Variants in THSD7A observed in about 807,000 individuals in gnomAD.
THSD7A encodes thrombospondin type-1 domain-containing protein 7A.
A neutral mutation model predicts 231.3 loss-of-function variants in THSD7A; 96 were observed. The observed-to-expected ratio is 0.41, with a 90% CI of 0.35 to 0.49. THSD7A has a LOEUF of 0.49. Among genes scored for constraint, THSD7A ranks in the 20% least tolerant of loss-of-function variants. THSD7A has a pLI of 0.05. For missense variants in THSD7A, 2,290 were observed against 2,070.2 expected, an observed-to-expected ratio of 1.11 and a Z score of -2.06; for synonymous variants, 940 against 743.3, an observed-to-expected ratio of 1.26 and a Z score of -4.30.
chr7:11,544,340 GA>G (rs955199787), intron 4 of THSD7A, among the ~76,000 whole-genome samples: 67 of 145,416 alleles, frequency 4.6e-4, no homozygotes, highest in Middle Eastern at 7.0e-3. Context: ...GACACAGTCG[GA>G]AAAAAAAAAA....
At chr7:11,826,812 CAAAAAA>C (rs3037773) in intron 1 of THSD7A, among the ~76,000 whole-genome samples, 8 of 120,768 alleles carry the variant, frequency 6.6e-5, no homozygotes, top group Admixed American at 2.5e-4. Flanking sequence ...GCCTCTGTCT[CAAAAAA>C]AAAAAAAAAA....
chr7:11,727,588 G>T (rs1262625876), intron 1 of THSD7A, among the ~76,000 whole-genome samples: 1 of 151,772 alleles, frequency 6.6e-6, no homozygotes, highest in African/African-American at 2.4e-5. Context: ...ACCAACTTTG[G>T]ACAATGAGTA....
chr7:11,501,063 T>C (rs1488421684), intron 6 of THSD7A, among the ~76,000 whole-genome samples: 1 of 151,058 alleles, frequency 6.6e-6, no homozygotes, highest in African/African-American at 2.4e-5. Flanking sequence ...AGGTTTCAAT[T>C]CAATGAGAAG....
At chr7:11,495,820 T>C (rs1220110212) in intron 6 of THSD7A, among the ~76,000 whole-genome samples, 1 of 152,076 alleles carries the variant, frequency 6.6e-6, no homozygotes, top group Non-Finnish European at 1.5e-5. Context: ...GCTACTTTGC[T>C]TGAGTTTGGA....
intron 1 of THSD7A, among the ~76,000 whole-genome samples, chr7:11,720,569 T>A (rs1288868725): frequency 6.6e-6 from 1 of 151,746 alleles, no homozygotes; most frequent in African/African-American, 2.4e-5. Flanking sequence ...TGTGTTTCAG[T>A]TTTGCCCTAA....
intron 4 of THSD7A, among the ~76,000 whole-genome samples, chr7:11,546,036 T>G (rs1789367568): frequency 6.6e-6 from 1 of 152,006 alleles, no homozygotes; most frequent in Admixed American, 6.6e-5. Context: ...CCAATGAGGG[T>G]GCTTTCCAGC....
At chr7:11,604,267 C>T (rs1459846518) in intron 2 of THSD7A, among the ~76,000 whole-genome samples, 1 of 152,106 alleles carries the variant, frequency 6.6e-6, no homozygotes, top group African/African-American at 2.4e-5. Flanking sequence ...TTCCCAAGGT[C>T]TTGCTTACGA....
intron 22 of THSD7A, among the ~76,000 whole-genome samples, 166 bp from the exon 23 acceptor site, chr7:11,402,134 A>C (rs1201905136): frequency 6.6e-6 from 1 of 152,208 alleles, no homozygotes; most frequent in Non-Finnish European, 1.5e-5. Flanking sequence ...GTAATTGTAT[A>C]ACTTTGTATA....
chr7:11,433,629 A>T (rs556419570), intron 13 of THSD7A, among the ~76,000 whole-genome samples: 1 of 152,142 alleles, frequency 6.6e-6, no homozygotes, highest in South Asian at 2.1e-4. Context: ...TCCCACCTTG[A>T]TAAACTGCAA....
chr7:11,659,938 A>C (rs1782863573), intron 1 of THSD7A, among the ~76,000 whole-genome samples: 1 of 151,532 alleles, frequency 6.6e-6, no homozygotes, highest in Non-Finnish European at 1.5e-5. Flanking sequence ...TTAAAAATGC[A>C]GAATCTCAGG....
chr7:11,523,804 G>A (rs1788365175), intron 6 of THSD7A, among the ~76,000 whole-genome samples: 1 of 151,898 alleles, frequency 6.6e-6, no homozygotes, highest in Non-Finnish European at 1.5e-5. Flanking sequence ...CATTTTTATT[G>A]TTCTCCGCTT....
chr7:11,487,741 G>A (rs552917882), intron 6 of THSD7A, among the ~76,000 whole-genome samples: 2 of 152,142 alleles, frequency 1.3e-5, no homozygotes, highest in East Asian at 1.9e-4. Context: ...AAAACTACCA[G>A]ATCTCATGAG....
chr7:11,591,736 A>G (rs1353206978), intron 3 of THSD7A, among the ~76,000 whole-genome samples: 1 of 152,192 alleles, frequency 6.6e-6, no homozygotes, highest in Non-Finnish European at 1.5e-5. Context: ...GAAGTGCAGC[A>G]CTCAGGTCAA....
intron 22 of THSD7A, among the ~76,000 whole-genome samples, chr7:11,404,743 CTTTATT>C (rs1186016384): frequency 6.6e-6 from 1 of 152,002 alleles, no homozygotes; most frequent in African/African-American, 2.4e-5. Flanking sequence ...TTTTCTTTTA[CTTTATT>C]TTTAAATTTT....
At chr7:11,831,000 T>A (rs908840741) in intron 1 of THSD7A, among the ~76,000 whole-genome samples, 1 of 152,156 alleles carries the variant, frequency 6.6e-6, no homozygotes, top group Non-Finnish European at 1.5e-5. Flanking sequence ...GAAAAGGGGT[T>A]GGTAATTCCT....
intron 6 of THSD7A, among the ~76,000 whole-genome samples, chr7:11,534,365 T>C (rs185927170): frequency 1.4e-4 from 22 of 152,274 alleles, no homozygotes; most frequent in Admixed American, 1.0e-3. Context: ...CAAGAGGACT[T>C]TCAGCTTTTG....
chr7:11,657,576 T>C (rs1782756543), intron 1 of THSD7A, among the ~76,000 whole-genome samples: 1 of 151,792 alleles, frequency 6.6e-6, no homozygotes, highest in Non-Finnish European at 1.5e-5. Flanking sequence ...TTAAGTTATG[T>C]AGGTTCAAGA....
At chr7:11,773,047 G>C (rs1224296820) in intron 1 of THSD7A, among the ~76,000 whole-genome samples, 1 of 152,148 alleles carries the variant, frequency 6.6e-6, no homozygotes, top group Non-Finnish European at 1.5e-5. Context: ...ATAGAATGAA[G>C]AGCCTAAGAA....
At position 11,534,746 on chromosome 7, in the gene THSD7A, A is replaced by C. The variant is rs73677746; in HGVS notation, c.1822+6673T>G. The stretch of plus-strand genomic sequence containing the variant: ...GAGAAGGTGGATATAAAGGGAATCA[A>C]AGAAGCAAGCAAGAGGCTCACTAAT... On this transcript the variant is annotated intron_variant, in intron 6 of 27. Coordinates refer to ENST00000423059, the MANE Select transcript of THSD7A (RefSeq NM_015204.3). Among the ~76,000 whole-genome samples the C allele has an allele frequency of 3.7e-3, 559 of 152,334 alleles. 4 individuals carry two copies. Among genetic ancestry groups the C allele is most frequent in the African/African-American group, 0.012 (503 of 41,576 alleles).
Sources: allele counts gnomAD v4.1 joint callset (sites outside exome capture counted in the v4.1 genomes callset), GRCh38; gene constraint gnomAD v4.1.1; transcripts MANE v1.5; gene names NCBI Gene and HGNC (gene_info 2026-07-23, HGNC 2026-07-21).